OR4C11: variants seen among roughly 807,000 people sequenced by gnomAD.
OR4C11 encodes the protein olfactory receptor family 4 subfamily C member 11.
In OR4C11, 15 loss-of-function variants were observed where a neutral mutation model predicts 14.7. The observed-to-expected ratio is 1.02, with a 90% CI of 0.68 to 1.58. OR4C11 has a LOEUF of 1.58. OR4C11 is among the 40% of genes most tolerant of loss of function. OR4C11 has a pLI of 0.00. For missense variants in OR4C11, 473 were observed against 383.0 expected, an observed-to-expected ratio of 1.24 and a Z score of -1.96; for synonymous variants, 146 against 135.0, an observed-to-expected ratio of 1.08 and a Z score of -0.57.
intron 1 of OR4C11, 125 bp downstream of exon 1, chr11:55,607,162 T>C (rs1188319606): frequency 7.3e-6 from 1 of 137,864 alleles, no homozygotes; most frequent in Non-Finnish European, 1.6e-5. Context: ...TAGATTTTAT[T>C]TCTGTTTGTT....
intron 1 of OR4C11, 148 bp from the exon 2 acceptor site, chr11:55,606,827 G>A (rs1267337515): frequency 7.2e-6 from 1 of 138,574 alleles, no homozygotes; most frequent in Non-Finnish European, 1.6e-5. Flanking sequence ...ACACACACAT[G>A]CATGTATCTC....
intron 1 of OR4C11, among the ~76,000 whole-genome samples, chr11:55,606,962 T>G (rs1419667765): frequency 7.2e-6 from 1 of 138,544 alleles, no homozygotes; most frequent in Non-Finnish European, 1.6e-5. Context: ...ACTGCTGAAT[T>G]ACAGCACTTA....
At position 55,604,016 on chromosome 11, in the gene OR4C11, G is replaced by A. The variant is rs139149255; in HGVS notation, c.358C>T (p.Arg120Cys). Residue 120 changes from arginine to cysteine, a missense_variant, in exon 4 of 4, where the codon CGC (arginine) becomes TGC (cysteine). Transcript: ENST00000641580. ...AAGGGCTTACAGATGGCCACATAGC[G>A]ATCAACAGCCATGAGAATGAGGACA... ...IFVLILMAVD[R>C]YVAICKPLRY... 357 of 1,487,370 alleles carry A rather than the reference G, an allele frequency of 2.4e-4. 68 individuals are homozygous for A. In the South Asian group the frequency reaches 2.6e-3, roughly 11 times the overall value. The allele number at this position is 1,487,370 out of a possible 1,614,324, so 92.1% of individuals were successfully genotyped here.
chr11:55,604,535 G>A (rs61896188), intron 3 of OR4C11, 118 bp from the exon 4 acceptor site: 24,306 of 389,142 alleles, frequency 0.062, 4,441 homozygotes, highest in Non-Finnish European at 0.082. Flanking sequence ...TTTTCTGAGT[G>A]AAATGGAATT....
rs1857954285 is a variant in OR4C11, at chr11:55,605,913, C to T, written c.-207+609G>A. Among the ~76,000 whole-genome samples, 2 of 138,644 alleles carry T rather than the reference C, an allele frequency of 1.4e-5. 1 individual carries two copies. 91.0% of individuals were successfully genotyped at this position (138,644 alleles called of 152,430 possible). Reference sequence around the variant, plus strand: ...TCTTGACAAAGGTGTGGGAAACCGTCAACCCTACAAACTTTTGGTGGGAAT... The same window carrying T: ...TCTTGACAAAGGTGTGGGAAACCGTTAACCCTACAAACTTTTGGTGGGAAT... On this transcript the variant is annotated intron_variant, in intron 2 of 3. Coordinates refer to ENST00000641580, the MANE Select transcript of OR4C11 (RefSeq NM_001004700.3).
In OR4C11 at chr11:55,605,212, A is replaced by C. The variant is rs1001894142; in HGVS notation, c.-131T>G. ...TGCTTTGTTATACTGTGTTGTCCAAAGTTAAATTCGTCCATCTTTCCTTAT... is the reference window on the plus strand; with the variant it reads ...TGCTTTGTTATACTGTGTTGTCCAACGTTAAATTCGTCCATCTTTCCTTAT... On this transcript the variant is annotated 5_prime_UTR_variant, in exon 3 of 4. Coordinates refer to ENST00000641580, the MANE Select transcript of OR4C11 (RefSeq NM_001004700.3). 1.5e-4 allele frequency: 21 copies of C among 138,742 alleles called. 2 individuals carry two copies. Among genetic ancestry groups the C allele is most frequent in the African/African-American group, 5.3e-4 (21 of 39,948 alleles). 8.6% of individuals were successfully genotyped at this position (138,742 alleles called of 1,614,324 possible).
At position 55,605,612 on chromosome 11, in the gene OR4C11, T is replaced by G. The variant is rs1374744216; in HGVS notation, c.-206-325A>C. Among the ~76,000 whole-genome samples, 3 of 138,718 alleles carry G rather than the reference T, an allele frequency of 2.2e-5. No homozygotes were observed. The South Asian group carries it at 7.0e-4, about 32-fold the overall frequency. The allele number at this position is 138,718 out of a possible 152,430, so 91.0% of individuals were successfully genotyped here. A position where few individuals can be genotyped will look rare whatever the true frequency, so the allele number is the denominator to read the frequency against. On this transcript the variant is annotated intron_variant, in intron 2 of 3. Coordinates refer to ENST00000641580, the MANE Select transcript of OR4C11 (RefSeq NM_001004700.3). ...AATTAAAAGGGAAGTGTCAATATGA[T>G]AAAATACATTTACAACACATTTGCC...
rs1857919121 is a variant in OR4C11, at chr11:55,603,814, C to A, written c.560G>T (p.Cys187Phe). The A allele has an allele frequency of 1.3e-6, 2 of 1,489,282 alleles. 1 individual carries two copies. The highest frequency in any genetic ancestry group is 1.8e-6 in the Non-Finnish European group (2 of 1,094,970). The allele number at this position is 1,489,282 out of a possible 1,614,324, so 92.3% of individuals were successfully genotyped here. Residue 187 changes from cysteine to phenylalanine, a missense_variant, in exon 4 of 4, where the codon TGC becomes TTC. By Grantham distance (205) the Cys-to-Phe change is radical (BLOSUM62 -2). Coordinates refer to ENST00000641580, the MANE Select transcript of OR4C11 (RefSeq NM_001004700.3). The part of the protein sequence containing the change: ...CDLQPLLKLA[C>F]MDTYMINLLL... ...CAGGTTGATCATGTAAGTGTCCATGCAGGCAAGTTTCAACAAGGGCTGCAA... is the reference window on the plus strand; with the variant it reads ...CAGGTTGATCATGTAAGTGTCCATGAAGGCAAGTTTCAACAAGGGCTGCAA...
Position 55,604,815 on chromosome 11 carries a change from C to T in OR4C11, c.-45+311G>A, listed in dbSNP as rs766634977. Among the ~76,000 whole-genome samples the T allele has an allele frequency of 8.0e-5, 11 of 137,698 alleles. 3 individuals are homozygous for T. Among genetic ancestry groups the T allele is most frequent in the Non-Finnish European group, 1.5e-4 (9 of 61,882 alleles). The allele number at this position is 137,698 out of a possible 152,430, so 90.3% of individuals were successfully genotyped here. Reference sequence around the variant, plus strand: ...ATAATAAATATTTTGTACTGTGTTGCGGTAACAGATGAAAATGTACATGAC... The same window carrying T: ...ATAATAAATATTTTGTACTGTGTTGTGGTAACAGATGAAAATGTACATGAC... On this transcript the variant is annotated intron_variant, in intron 3 of 3. Coordinates refer to ENST00000641580, the MANE Select transcript of OR4C11 (RefSeq NM_001004700.3).
chr11:55,606,281 T>A (rs550277175), intron 2 of OR4C11, among the ~76,000 whole-genome samples: 1 of 138,170 alleles, frequency 7.2e-6, no homozygotes, highest in African/African-American at 2.5e-5. Context: ...TAATATTGCA[T>A]GCTTAGAATT....
Position 55,604,197 on chromosome 11 carries a change from G to T in OR4C11, c.177C>A (p.Phe59Leu). The change falls in exon 4 of 4, where the codon TTC (phenylalanine) becomes TTA (leucine). Residue 59 changes from phenylalanine to leucine, a missense_variant. Physicochemically the swap from Phe to Leu is conservative, Grantham distance 22 (BLOSUM62 0). Transcript: ENST00000641580. ...SSRTLGSPMY[F>L]FLFYLSFADS... ...CTGCAAAGGACAAATAAAATAGAAA[G>T]AAGTACATGGGGCTTCCTAGTGTCC... 2.7e-6 allele frequency: 4 copies of T among 1,481,094 alleles called. 1 individual carries two copies. The highest frequency in any genetic ancestry group is 3.7e-6 in the Non-Finnish European group (4 of 1,088,734). 91.7% of individuals were successfully genotyped at this position (1,481,094 alleles called of 1,614,324 possible). A position where few individuals can be genotyped will look rare whatever the true frequency, so the allele number is the denominator to read the frequency against.
rs767628375 is a variant in OR4C11, at chr11:55,603,788, G to A, written c.586C>T (p.Leu196=). Residue 196 remains leucine (L), a synonymous_variant, in exon 4 of 4, where the codon CTG becomes TTG. Coordinates refer to ENST00000641580, the MANE Select transcript of OR4C11 (RefSeq NM_001004700.3). ...ACMDTYMINL[L]LVSNSGAICS... The stretch of plus-strand genomic sequence containing the variant: ...ATTGCCCCACTGTTAGACACCAACA[G>A]CAGGTTGATCATGTAAGTGTCCATG... The A allele has an allele frequency of 2.1e-5, 31 of 1,485,564 alleles. 8 individuals carry two copies. Among genetic ancestry groups the A allele is most frequent in the African/African-American group, 2.8e-5 (2 of 72,704 alleles). 92.0% of individuals were successfully genotyped at this position (1,485,564 alleles called of 1,614,324 possible).
chr11:55,604,454 A>G lies in OR4C11; in HGVS notation c.-44-37T>C, dbSNP rs559362435. ...AAAAAGAAATAGATTCTAAATTTAGAGGTCAAATACATATTCTTGCAATGA... is the reference window on the plus strand; with the variant it reads ...AAAAAGAAATAGATTCTAAATTTAGGGGTCAAATACATATTCTTGCAATGA... On this transcript the variant is annotated intron_variant, in intron 3 of 3. Transcript: ENST00000641580. 47 of 591,882 alleles carry G rather than the reference A, an allele frequency of 7.9e-5. 8 individuals carry two copies. The East Asian group carries it at 1.1e-3, about 14-fold the overall frequency. The allele number at this position is 591,882 out of a possible 1,614,324, so 36.7% of individuals were successfully genotyped here.
Position 55,603,529 on chromosome 11 carries a change from G to A in OR4C11, c.845C>T (p.Pro282Leu), listed in dbSNP as rs768560057. Residue 282 changes from proline to leucine, a missense_variant, in exon 4 of 4, where the codon CCA becomes CTA. Physicochemically the swap from Pro to Leu is moderately conservative, Grantham distance 98. Transcript: ENST00000641580. ...FYTIGTPFLN[P>L]LIYTLRNAEV... is the part of the protein sequence containing the mutation. ...TGCATTCCTCAGTGTGTAGATGAGT[G>A]GATTGAGAAAGGGTGTTCCAATAGT... 4 of 1,480,374 alleles carry A rather than the reference G, an allele frequency of 2.7e-6. No homozygotes were observed. Among genetic ancestry groups the A allele is most frequent in the South Asian group, 1.2e-5 (1 of 84,492 alleles). 91.7% of individuals were successfully genotyped at this position (1,480,374 alleles called of 1,614,324 possible). A position where few individuals can be genotyped will look rare whatever the true frequency, so the allele number is the denominator to read the frequency against.
rs1369138103 is a variant in OR4C11 at position 55,603,363 on chromosome 11, T to C, written c.*78A>G. On this transcript the variant is annotated 3_prime_UTR_variant, in exon 4 of 4. Coordinates refer to ENST00000641580, the MANE Select transcript of OR4C11 (RefSeq NM_001004700.3). ...ATATATTATTCCCACAGCATTCAGGTACTTTCCTATTTGCTGTCTATACTT... is the reference window on the plus strand; with the variant it reads ...ATATATTATTCCCACAGCATTCAGGCACTTTCCTATTTGCTGTCTATACTT... The C allele has an allele frequency of 4.3e-6, 3 of 694,058 alleles. 1 individual carries two copies. Among genetic ancestry groups the C allele is most frequent in the Admixed American group, 3.6e-5 (1 of 27,810 alleles). 43.0% of individuals were successfully genotyped at this position (694,058 alleles called of 1,614,324 possible).
rs1405239200 is a variant in OR4C11 at position 55,607,492 on chromosome 11, C to A, written c.-570G>T. On this transcript the variant is annotated 5_prime_UTR_variant, in exon 1 of 4. Transcript: ENST00000641580. ...CGACTAAGTTATTCTCCTATACAGA[C>A]CTTACCAGCTTTGATAAGAGAGTAT... The A allele has an allele frequency of 7.2e-6, 1 of 138,540 alleles. No individual in the cohort carries two copies. The highest frequency in any genetic ancestry group is 1.6e-5 in the Non-Finnish European group (1 of 62,306). The allele number at this position is 138,540 out of a possible 1,614,324, so 8.6% of individuals were successfully genotyped here.
In OR4C11 at chr11:55,603,914, A is replaced by G. The variant is rs746241276; in HGVS notation, c.460T>C (p.Ser154Pro). The change falls in exon 4 of 4, where the codon TCT becomes CCT. Residue 154 changes from serine (S) to proline (P), a missense_variant. Ser to Pro is a moderately conservative substitution (Grantham distance 74). Coordinates refer to ENST00000641580, the MANE Select transcript of OR4C11 (RefSeq NM_001004700.3). ...VLAWIGSLIH[S>P]TAQIILALRL... ...AAGGCCAGGATAATCTGAGCTGTAG[A>G]GTGTATTAAAGACCCTATCCAGGCA... 6 of 1,483,056 alleles carry G rather than the reference A, an allele frequency of 4.0e-6. 2 individuals are homozygous for G. In the Admixed American group the frequency reaches 8.1e-5, roughly 20 times the overall value. 91.9% of individuals were successfully genotyped at this position (1,483,056 alleles called of 1,614,324 possible).
At chr11:55,605,534 A>C (rs1171241897) in intron 2 of OR4C11, among the ~76,000 whole-genome samples, 2 of 138,764 alleles carry the variant, frequency 1.4e-5, no homozygotes, top group African/African-American at 2.5e-5. Flanking sequence ...ATATTGAACA[A>C]ATTTTTCCAT....
In OR4C11 at chr11:55,602,437, T is replaced by G. The variant is rs375362482; in HGVS notation, c.*1004A>C. 2 of 138,294 alleles carry G rather than the reference T, an allele frequency of 1.4e-5. No individual in the cohort carries two copies. The highest frequency in any genetic ancestry group is 5.0e-5 in the African/African-American group (2 of 40,024). The allele number at this position is 138,294 out of a possible 1,614,324, so 8.6% of individuals were successfully genotyped here. On this transcript the variant is annotated 3_prime_UTR_variant, in exon 4 of 4. Transcript: ENST00000641580. Reference sequence around the variant, plus strand: ...ATTAAAAGTCCATAATATGAATATCTAAAGTGCCGCTTTTTATCTGCTGTC... The same window carrying G: ...ATTAAAAGTCCATAATATGAATATCGAAAGTGCCGCTTTTTATCTGCTGTC...
Sources: gnomAD v4.1 joint callset for allele counts (sites outside exome capture counted in the v4.1 genomes callset) on GRCh38, gnomAD v4.1.1 for gene constraint, MANE v1.5 for transcripts, NCBI Gene and HGNC (gene_info 2026-07-23, HGNC 2026-07-21) for gene names.